The following AVL9 variants were observed in gnomAD, a reference collection of about 807,000 sequenced individuals.
AVL9 encodes the protein late secretory pathway protein AVL9 homolog.
In AVL9, 49 loss-of-function variants were observed where a neutral mutation model predicts 79.2. The ratio of observed to expected loss-of-function variants is 0.62; its 90% CI spans 0.49 to 0.79. The LOEUF is 0.79. Ranked by LOEUF, AVL9 falls within the 30% of genes least tolerant of loss-of-function variation. The pLI, the probability that AVL9 is intolerant of heterozygous loss-of-function variation, is 0.00. For synonymous variants in AVL9, 299 were observed against 280.6 expected (o/e 1.07, Z -0.65); for missense variants, 682 against 776.8 (o/e 0.88, Z 1.45).
rs1791705260 is a variant in AVL9, at chr7:32,584,867, T to C, written c.*960T>C. The stretch of plus-strand genomic sequence containing the variant: ...TCACTGCAACCTCCATCTCCCGGGT[T>C]CAAGCAATTCTTGTACCTCAGCCTC... On this transcript the variant is annotated 3_prime_UTR_variant, in exon 16 of 16. Coordinates refer to ENST00000318709, the MANE Select transcript of AVL9 (RefSeq NM_015060.3). 1 of 147,100 alleles carries C rather than the reference T, an allele frequency of 6.8e-6. No homozygotes were observed. Among genetic ancestry groups the C allele is most frequent in the Non-Finnish European group, 1.5e-5 (1 of 67,568 alleles). The allele number at this position is 147,100 out of a possible 1,614,324, so 9.1% of individuals were successfully genotyped here.
chr7:32,515,507 G>A (rs1028033729), intron 1 of AVL9, among the ~76,000 whole-genome samples: 1 of 152,186 alleles, frequency 6.6e-6, no homozygotes, highest in Non-Finnish European at 1.5e-5. Flanking sequence ...AACAAGGAAA[G>A]CAAGTTTTCC....
Position 32,572,839 on chromosome 7 carries a change from C to T in AVL9, c.1351-360C>T, listed in dbSNP as rs560822649. 4.3e-4 allele frequency among the ~76,000 whole-genome samples: 62 copies of T among 144,444 alleles called. No homozygotes were observed. The East Asian group carries it at 5.4e-3, about 13-fold the overall frequency. 94.8% of individuals were successfully genotyped at this position (144,444 alleles called of 152,430 possible). A position where few individuals can be genotyped will look rare whatever the true frequency, so the allele number is the denominator to read the frequency against. On this transcript the variant is annotated intron_variant, in intron 11 of 15. Transcript: ENST00000318709. ...AAAAGAATATTCTAAAGTATCTGCACGCAAAAGAAAAAGTATTTAAGGAAT... is the reference window on the plus strand; with the variant it reads ...AAAAGAATATTCTAAAGTATCTGCATGCAAAAGAAAAAGTATTTAAGGAAT...
intron 11 of AVL9, among the ~76,000 whole-genome samples, chr7:32,572,645 A>C (rs1221817063): frequency 6.7e-6 from 1 of 149,808 alleles, no homozygotes; most frequent in East Asian, 1.9e-4. Flanking sequence ...TACTAAAAAT[A>C]CAAAAAATTA....
At chr7:32,521,572 G>A (rs1010043677) in intron 1 of AVL9, among the ~76,000 whole-genome samples, 3 of 152,196 alleles carry the variant, frequency 2.0e-5, no homozygotes, top group Admixed American at 2.0e-4. Flanking sequence ...TTTGGATACT[G>A]TTAAAGGCAT....
intron 1 of AVL9, among the ~76,000 whole-genome samples, chr7:32,514,643 G>A (rs561037999): frequency 6.6e-5 from 10 of 152,232 alleles, no homozygotes; most frequent in South Asian, 4.1e-4. Flanking sequence ...GAAAATGGCC[G>A]GTCCTTGCCT....
chr7:32,520,511 G>A lies in AVL9; in HGVS notation c.94-22630G>A, dbSNP rs181127570. Reference sequence around the variant, plus strand: ...GTAGACTAGATAAATGCCACTGTAAGGTCTGTTGTAAGGTCTATTTGCCCT... The same window carrying A: ...GTAGACTAGATAAATGCCACTGTAAAGTCTGTTGTAAGGTCTATTTGCCCT... On this transcript the variant is annotated intron_variant, in intron 1 of 15. Transcript: ENST00000318709. 3.0e-4 allele frequency among the ~76,000 whole-genome samples: 45 copies of A among 152,256 alleles called. 1 individual carries two copies. In the East Asian group the frequency reaches 8.5e-3, roughly 29 times the overall value.
In AVL9 at chr7:32,502,406, A is replaced by AAAAAAAAAAAAAAAG. The variant is rs201243248; in HGVS notation, c.93+6607_93+6608insAAAAAAAAAAAGAAA. Among the ~76,000 whole-genome samples, 74 of 140,140 alleles carry AAAAAAAAAAAAAAAG rather than the reference A, an allele frequency of 5.3e-4. 2 individuals carry two copies. Among genetic ancestry groups the AAAAAAAAAAAAAAAG allele is most frequent in the Non-Finnish European group, 8.7e-4 (57 of 65,286 alleles). 91.9% of individuals were successfully genotyped at this position (140,140 alleles called of 152,430 possible). ...AAACCCTTTCTCAAAAAAAAAAAAA[A>AAAAAAAAAAAAAAAG]AAAGAAAGAAAAGGTATCAAACCAT... On this transcript the variant is annotated intron_variant, in intron 1 of 15. Transcript: ENST00000318709.
chr7:32,562,591 T>C, intron 10 of AVL9: 1 of 970,072 alleles, frequency 1.0e-6, no homozygotes, highest in Non-Finnish European at 1.2e-6. Context: ...ATGTCAGTAA[T>C]GCATTAAGAT....
At position 32,579,590 on chromosome 7, in the gene AVL9, ATATATTATATAT is replaced by A. The variant is rs1355782408; in HGVS notation, c.1689-611_1689-600del. On this transcript the variant is annotated intron_variant, in intron 13 of 15. Transcript: ENST00000318709. ...TATATTATATTATATATTATATATT[ATATATTATATAT>A]TATATTATATATTATATATATATAA... 3.5e-3 allele frequency among the ~76,000 whole-genome samples: 66 copies of A among 18,806 alleles called. 5 individuals are homozygous for A. Among genetic ancestry groups the A allele is most frequent in the Middle Eastern group, 0.036 (1 of 28 alleles). 12.3% of individuals were successfully genotyped at this position (18,806 alleles called of 152,430 possible). A position where few individuals can be genotyped will look rare whatever the true frequency, so the allele number is the denominator to read the frequency against.
At chr7:32,545,433 AC>A (rs1407740713) in intron 3 of AVL9, among the ~76,000 whole-genome samples, 2 of 126,070 alleles carry the variant, frequency 1.6e-5, no homozygotes, top group Non-Finnish European at 3.1e-5. Context: ...GTGCAGTGGC[AC>A]AATCTTGGCT....
At position 32,583,973 on chromosome 7, in the gene AVL9, A is replaced by G. The variant is rs772279374; in HGVS notation, c.*66A>G. The G allele has an allele frequency of 3.5e-6, 4 of 1,144,566 alleles. No homozygotes were observed. The highest frequency in any genetic ancestry group is 5.3e-6 in the Non-Finnish European group (4 of 757,770). The allele number at this position is 1,144,566 out of a possible 1,614,324, so 70.9% of individuals were successfully genotyped here. On this transcript the variant is annotated 3_prime_UTR_variant, in exon 16 of 16. Transcript: ENST00000318709. ...TGTCCCCTGTCTGTCTGCTGCTCCCAGGCTGTTACTAGCCACAGATCCACA... is the reference window on the plus strand; with the variant it reads ...TGTCCCCTGTCTGTCTGCTGCTCCCGGGCTGTTACTAGCCACAGATCCACA...
intron 1 of AVL9, chr7:32,531,594 A>G (rs1370906944): frequency 6.6e-6 from 1 of 151,858 alleles, no homozygotes; most frequent in Non-Finnish European, 1.5e-5. Flanking sequence ...TACTCAGCCC[A>G]CCGTTCTCAA....
chr7:32,565,273 A>G (rs777826389), intron 10 of AVL9, among the ~76,000 whole-genome samples: 3 of 152,224 alleles, frequency 2.0e-5, no homozygotes, highest in Non-Finnish European at 2.9e-5. Flanking sequence ...AAATTACCTC[A>G]ATGCGACTGG....
At position 32,559,343 on chromosome 7, in the gene AVL9, C is replaced by T; in HGVS notation, c.1094C>T (p.Ser365Leu). 6 of 1,614,114 alleles carry T rather than the reference C, an allele frequency of 3.7e-6. No homozygotes were observed. The highest frequency in any genetic ancestry group is 5.1e-6 in the Non-Finnish European group (6 of 1,180,034). ...TNLFPKDSVP[S>L]ESLPITVQPQ... ...TTGTTTCCAAAGGACTCTGTCCCCTCAGAGAGTCTTCCAATTACTGTACAA... is the reference window on the plus strand; with the variant it reads ...TTGTTTCCAAAGGACTCTGTCCCCTTAGAGAGTCTTCCAATTACTGTACAA... The change falls in exon 10 of 16, where the codon TCA (serine) becomes TTA (leucine). Residue 365 changes from serine to leucine, a missense_variant. By Grantham distance (145) the Ser-to-Leu change is moderately radical. Coordinates refer to ENST00000318709, the MANE Select transcript of AVL9 (RefSeq NM_015060.3).
chr7:32,521,213 T>C (rs1275789718), intron 1 of AVL9, among the ~76,000 whole-genome samples: 1 of 152,030 alleles, frequency 6.6e-6, no homozygotes, highest in African/African-American at 2.4e-5. Context: ...TACTTGAAAA[T>C]GTGGAAGCGA....
chr7:32,511,088 C>T (rs1345477458), intron 1 of AVL9, among the ~76,000 whole-genome samples: 5 of 145,096 alleles, frequency 3.4e-5, no homozygotes, highest in Non-Finnish European at 7.6e-5. Context: ...TTCTGAACTG[C>T]CCCAGTATGA....
At chr7:32,501,968 T>G (rs765820472) in intron 1 of AVL9, among the ~76,000 whole-genome samples, 22 of 152,168 alleles carry the variant, frequency 1.4e-4, no homozygotes, top group Non-Finnish European at 2.2e-4. Context: ...AGAACTCAGG[T>G]TCTCCCTAGG....
intron 8 of AVL9, among the ~76,000 whole-genome samples, chr7:32,555,070 G>A (rs1789997642): frequency 6.6e-6 from 1 of 152,158 alleles, no homozygotes; most frequent in African/African-American, 2.4e-5. Context: ...CGGGCACGGT[G>A]GCTCACACTT....
intron 1 of AVL9, among the ~76,000 whole-genome samples, chr7:32,518,943 CTG>C (rs900271016): frequency 6.6e-6 from 1 of 152,158 alleles, no homozygotes; most frequent in African/African-American, 2.4e-5. Context: ...ATTCAATAAT[CTG>C]TTTCTTTTTG....
Sources: allele counts gnomAD v4.1 joint callset (sites outside exome capture counted in the v4.1 genomes callset), GRCh38; gene constraint gnomAD v4.1.1; transcripts MANE v1.5; gene names NCBI Gene and HGNC (gene_info 2026-07-23, HGNC 2026-07-21).